Variants in CEBPZOS observed in about 807,000 individuals in gnomAD.
CEBPZOS encodes the protein protein CEBPZOS.
A neutral mutation model predicts 4.8 loss-of-function variants in CEBPZOS; 10 were observed. That is an observed-to-expected ratio of 2.07 (90% CI 1.28 to 3.52). The LOEUF is 3.52. Among genes scored for constraint, CEBPZOS ranks in the 30% most tolerant of loss-of-function variants. The pLI is 0.00. For missense variants in CEBPZOS, 98 were observed against 43.6 expected (o/e 2.25, Z -3.51); for synonymous variants, 25 against 14.2 (o/e 1.77, Z -1.72).
intron 2 of CEBPZOS, 60 bp downstream of exon 2, chr2:37,199,879 A>G (rs1423235788): frequency 2.1e-5 from 14 of 680,674 alleles, no homozygotes; most frequent in Non-Finnish European, 3.8e-5. Flanking sequence ...AATCCATTTT[A>G]TGTGTTAAAT....
chr2:37,198,930 G>T (rs1218677317), intron 1 of CEBPZOS, among the ~76,000 whole-genome samples: 3 of 152,118 alleles, frequency 2.0e-5, no homozygotes, highest in Admixed American at 1.3e-4. Context: ...GAGGTGGGCG[G>T]ATTGCTTGAG....
chr2:37,204,277 ATTT>A lies in CEBPZOS; in HGVS notation c.*2434_*2436del, dbSNP rs531479622. The A allele has an allele frequency of 6.4e-5, 7 of 109,280 alleles. No homozygotes were observed. The highest frequency in any genetic ancestry group is 1.3e-4 in the Non-Finnish European group (7 of 53,564). The allele number at this position is 109,280 out of a possible 1,614,324, so 6.8% of individuals were successfully genotyped here. On this transcript the variant is annotated 3_prime_UTR_variant, in exon 5 of 5. Coordinates refer to ENST00000402297, the MANE Select transcript of CEBPZOS (RefSeq NM_001322374.2). ...TAACACCATGCCTGGCTAATTTTTG[ATTT>A]TTTTTTTTTTTTTTTTGAGACAGAG... is the stretch of plus-strand genomic sequence containing the variant.
rs1237829344 is a variant in CEBPZOS at position 37,204,077 on chromosome 2, A to G, written c.*2217A>G. The G allele has an allele frequency of 1.3e-5, 2 of 152,200 alleles. No individual in the cohort carries two copies. The highest frequency in any genetic ancestry group is 4.8e-5 in the African/African-American group (2 of 41,434). 9.4% of individuals were successfully genotyped at this position (152,200 alleles called of 1,614,324 possible). ...CTTGATTTTTATTAAGGTGATATGTATGTTACTTAACAGCTGTATAATACA... is the reference window on the plus strand; with the variant it reads ...CTTGATTTTTATTAAGGTGATATGTGTGTTACTTAACAGCTGTATAATACA... On this transcript the variant is annotated 3_prime_UTR_variant, in exon 5 of 5. Transcript: ENST00000402297.
At position 37,201,096 on chromosome 2, in the gene CEBPZOS, T is replaced by C. The variant is rs546523216; in HGVS notation, c.160+4T>C. On this transcript the variant is annotated splice_donor_region_variant and intron_variant, in intron 3 of 4. Coordinates refer to ENST00000402297, the MANE Select transcript of CEBPZOS (RefSeq NM_001322374.2). ...AAATATCCCTTCATCTTGGAAGGTA[T>C]GTTTTTCCTTAAGTAAAAATAAGTA... The C allele has an allele frequency of 3.6e-5, 26 of 714,760 alleles. No homozygotes were observed. In the South Asian group the frequency reaches 3.9e-4, roughly 11 times the overall value. The allele number at this position is 714,760 out of a possible 1,614,324, so 44.3% of individuals were successfully genotyped here.
At chr2:37,213,974 T>C (rs377191793), downstream of CEBPZOS, 13 of 1,390,052 alleles carry the variant, frequency 9.4e-6, no homozygotes, top group African/African-American at 1.5e-4. Flanking sequence ...ATAATATTCA[T>C]GTTATATATT....
intron 2 of CEBPZOS, 150 bp from the exon 3 acceptor site, chr2:37,200,898 G>A (rs72875717): frequency 0.012 from 6,544 of 567,836 alleles, 117 homozygotes; most frequent in African/African-American, 0.06. Flanking sequence ...AAAGGAGATC[G>A]TTCCTGGATT....
intron 3 of CEBPZOS, 55 bp downstream of exon 3, chr2:37,201,147 T>C (rs1372493388): frequency 2.9e-6 from 2 of 692,328 alleles, no homozygotes; most frequent in South Asian, 1.6e-5. Flanking sequence ...AGGTAACCTA[T>C]AAATTATGTA....
In CEBPZOS at chr2:37,203,352, C is replaced by G. The variant is rs892740826; in HGVS notation, c.*1492C>G. Reference sequence around the variant, plus strand: ...TGGATGGGTTTTGAAATACTTAAGACACAACATAAAATTTAGTTCAGGGGT... The same window carrying G: ...TGGATGGGTTTTGAAATACTTAAGAGACAACATAAAATTTAGTTCAGGGGT... On this transcript the variant is annotated 3_prime_UTR_variant, in exon 5 of 5. Transcript: ENST00000402297. 4.6e-4 allele frequency: 74 copies of G among 162,632 alleles called. No individual in the cohort carries two copies. Among genetic ancestry groups the G allele is most frequent in the African/African-American group, 1.7e-3 (72 of 41,882 alleles). 10.1% of individuals were successfully genotyped at this position (162,632 alleles called of 1,614,324 possible). A position where few individuals can be genotyped will look rare whatever the true frequency, so the allele number is the denominator to read the frequency against.
rs575165717 is a variant in CEBPZOS at position 37,212,916 on chromosome 2, G to A, written c.*3-521G>A. Among the ~76,000 whole-genome samples the A allele has an allele frequency of 4.6e-4, 69 of 150,042 alleles. No individual in the cohort carries two copies. The South Asian group carries it at 0.014, about 31-fold the overall frequency. Reference sequence around the variant, plus strand: ...GAGCCGGACATCATGGCATGTACCTGTAGTCCCAGCTACCCGTGGGGCTGA... The same window carrying A: ...GAGCCGGACATCATGGCATGTACCTATAGTCCCAGCTACCCGTGGGGCTGA... On this transcript the variant is annotated intron_variant, in intron 4 of 4. Transcript: ENST00000397064.
chr2:37,201,874 G>T lies in CEBPZOS; in HGVS notation c.*14G>T. 6.2e-7 allele frequency: 1 copy of T among 1,613,422 alleles called. No homozygotes were observed. Among genetic ancestry groups the T allele is most frequent in the Non-Finnish European group, 8.5e-7 (1 of 1,179,842 alleles). On this transcript the variant is annotated 3_prime_UTR_variant, in exon 5 of 5. Transcript: ENST00000402297. The stretch of plus-strand genomic sequence containing the variant: ...TCTCTGTTGTGTAGCCAGTCATCAC[G>T]TTCAGCCTCCCATCTAAGCTGTTTG...
chr2:37,207,310 G>A (rs995549905), downstream of CEBPZOS, among the ~76,000 whole-genome samples: 4 of 152,110 alleles, frequency 2.6e-5, no homozygotes, highest in African/African-American at 9.7e-5. Flanking sequence ...GGACTTAACA[G>A]ATACCTACGG....
At chr2:37,199,574 A>G (rs1171814114) in intron 1 of CEBPZOS, 130 bp from the exon 2 acceptor site, 4 of 553,092 alleles carry the variant, frequency 7.2e-6, no homozygotes, top group Admixed American at 3.1e-5. Flanking sequence ...AAAGTATACC[A>G]TAGTATTGGT....
rs568653973 is a variant in CEBPZOS, at chr2:37,201,569, G to GT, written c.161-66dup. The GT allele has an allele frequency of 6.4e-4, 413 of 646,534 alleles. 1 individual carries two copies. The African/African-American group carries it at 6.9e-3, about 11-fold the overall frequency. The allele number at this position is 646,534 out of a possible 1,614,324, so 40.0% of individuals were successfully genotyped here. A position where few individuals can be genotyped will look rare whatever the true frequency, so the allele number is the denominator to read the frequency against. ...TGTAGCAATATGGAAAAAAGAAGTTGTTTTTTTCAATACATTTAATTTTAA... is the reference window on the plus strand; with the variant it reads ...TGTAGCAATATGGAAAAAAGAAGTTGTTTTTTTTCAATACATTTAATTTTAA... On this transcript the variant is annotated intron_variant, in intron 3 of 4. Coordinates refer to ENST00000402297, the MANE Select transcript of CEBPZOS (RefSeq NM_001322374.2).
chr2:37,200,694 G>A (rs1677179723), intron 2 of CEBPZOS, among the ~76,000 whole-genome samples: 1 of 151,134 alleles, frequency 6.6e-6, no homozygotes. Flanking sequence ...ATGATGGTGT[G>A]CTCCTGTAGT....
Position 37,212,842 on chromosome 2 carries a change from A to C in CEBPZOS, c.*3-595A>C, listed in dbSNP as rs1421655419. Among the ~76,000 whole-genome samples the C allele has an allele frequency of 7.3e-5, 11 of 150,170 alleles. No individual in the cohort carries two copies. The Admixed American group carries it at 7.4e-4, about 10-fold the overall frequency. ...GCAAGACCCTATCTCTATTAAAAAA[A>C]AAAAAAAAACAAAAACAACAACAAC... is the stretch of plus-strand genomic sequence containing the variant. On this transcript the variant is annotated intron_variant, in intron 4 of 4. Transcript: ENST00000397064.
intron 4 of CEBPZOS, chr2:37,211,219 T>C: frequency 1.9e-6 from 1 of 534,742 alleles, no homozygotes; most frequent in Non-Finnish European, 3.3e-6. Context: ...GTAATTCCAC[T>C]AGCATAGGCT....
rs929964339 is a variant in CEBPZOS at position 37,204,660 on chromosome 2, T to G, written c.*2800T>G. ...TATAAGGTATGTTTATTCTTAAGGA[T>G]ATCTACTCTAACACCTGTAAATGTA... is the stretch of plus-strand genomic sequence containing the variant. On this transcript the variant is annotated 3_prime_UTR_variant, in exon 5 of 5. Transcript: ENST00000402297. 1.3e-5 allele frequency: 2 copies of G among 152,196 alleles called. No individual in the cohort carries two copies. The highest frequency in any genetic ancestry group is 4.8e-5 in the African/African-American group (2 of 41,440). 9.4% of individuals were successfully genotyped at this position (152,196 alleles called of 1,614,324 possible).
At chr2:37,205,368 T>C (rs1677500877), downstream of CEBPZOS, among the ~76,000 whole-genome samples, 1 of 152,138 alleles carries the variant, frequency 6.6e-6, no homozygotes. Context: ...CTGATGACAT[T>C]ATCTTGTGAA....
At chr2:37,214,855 T>C, downstream of CEBPZOS, 1 of 1,405,314 alleles carries the variant, frequency 7.1e-7, no homozygotes, top group Non-Finnish European at 9.9e-7. Flanking sequence ...TTTAGCAGTT[T>C]CCCCAAATGA....
Sources: gnomAD v4.1 joint callset for allele counts (sites outside exome capture counted in the v4.1 genomes callset) on GRCh38, gnomAD v4.1.1 for gene constraint, MANE v1.5 for transcripts, NCBI Gene and HGNC (gene_info 2026-07-23, HGNC 2026-07-21) for gene names.